Variants in THSD4 observed in about 807,000 individuals in gnomAD.
THSD4 encodes thrombospondin type-1 domain-containing protein 4.
Under a neutral mutation model 119.0 loss-of-function variants are expected in THSD4, and 69 were observed. The observed-to-expected ratio is 0.58, with a 90% CI of 0.48 to 0.71. The LOEUF (loss-of-function observed/expected upper bound fraction) is 0.71, where lower values mean the gene tolerates loss of function less well. Ranked by LOEUF, THSD4 falls within the 30% of genes least tolerant of loss-of-function variation. THSD4 has a pLI of 0.00. For missense variants in THSD4, 1,393 were observed against 1,391.1 expected (o/e 1.00, Z -0.02); for synonymous variants, 524 against 540.4 (o/e 0.97, Z 0.42).
chr15:71,247,024 A>C (rs931365269), intron 5 of THSD4, among the ~76,000 whole-genome samples: 4 of 150,912 alleles, frequency 2.7e-5, no homozygotes, highest in Admixed American at 6.6e-5. Context: ...CACCCTCCCA[A>C]GTAGCTGGGA....
At chr15:71,743,454 C>T (rs1354517535) in intron 11 of THSD4, among the ~76,000 whole-genome samples, 1 of 152,170 alleles carries the variant, frequency 6.6e-6, no homozygotes, top group South Asian at 2.1e-4. Flanking sequence ...AAGCTGTGAA[C>T]CATGTATTCA....
chr15:71,436,548 G>A (rs1275895807), intron 7 of THSD4, among the ~76,000 whole-genome samples: 1 of 152,124 alleles, frequency 6.6e-6, no homozygotes. Context: ...GGGTTCCCTC[G>A]AATCTGGCTT....
rs71154770 is a variant in THSD4, at chr15:71,442,568, CAAA to C, written c.1152+30755_1152+30757del. On this transcript the variant is annotated intron_variant, in intron 7 of 17. Transcript: ENST00000261862. Reference sequence around the variant, plus strand: ...TGGGCAACAGAGCAAAACTCCATCTCAAAAAAAAAAAATATATATATATATATA... The same window carrying C: ...TGGGCAACAGAGCAAAACTCCATCTCAAAAAAAAATATATATATATATATA... Among the ~76,000 whole-genome samples, 8 of 33,458 alleles carry C rather than the reference CAAA, an allele frequency of 2.4e-4. 1 individual carries two copies. The highest frequency in any genetic ancestry group is 9.6e-5 in the African/African-American group (1 of 10,382). 21.9% of individuals were successfully genotyped at this position (33,458 alleles called of 152,430 possible). A position where few individuals can be genotyped will look rare whatever the true frequency, so the allele number is the denominator to read the frequency against.
At chr15:71,604,812 A>C (rs2050077597) in intron 7 of THSD4, among the ~76,000 whole-genome samples, 1 of 122,790 alleles carries the variant, frequency 8.1e-6, no homozygotes, top group African/African-American at 2.9e-5. Flanking sequence ...GCCAAAAGTG[A>C]AAACAAAAAC....
chr15:71,643,384 G>A (rs958566784), intron 7 of THSD4, among the ~76,000 whole-genome samples: 6 of 152,142 alleles, frequency 3.9e-5, no homozygotes, highest in Non-Finnish European at 4.4e-5. Context: ...ACAGGGGCTT[G>A]TTGTACAGAT....
intron 7 of THSD4, among the ~76,000 whole-genome samples, chr15:71,424,383 A>G (rs548009518): frequency 2.6e-5 from 4 of 152,250 alleles, no homozygotes; most frequent in Admixed American, 2.6e-4. Context: ...CCCTTGGTGC[A>G]GGGTGATACT....
chr15:71,339,370 A>C (rs1201395324), intron 6 of THSD4, among the ~76,000 whole-genome samples: 2 of 151,670 alleles, frequency 1.3e-5, no homozygotes, highest in Non-Finnish European at 2.9e-5. Flanking sequence ...ATCTTTGCCG[A>C]CCCTCTCAGA....
intron 6 of THSD4, among the ~76,000 whole-genome samples, chr15:71,305,255 C>T (rs745361570): frequency 6.6e-6 from 1 of 152,160 alleles, no homozygotes; most frequent in Non-Finnish European, 1.5e-5. Flanking sequence ...CAAGACAGTA[C>T]CAGTCCCCAG....
chr15:71,328,675 C>T lies in THSD4; in HGVS notation c.1015+71960C>T, dbSNP rs150209036. ...TGAACCTTGGAAAAAGTCCACTTTC[C>T]ATGGGCTTATTAAATGTGCTGAATC... On this transcript the variant is annotated intron_variant, in intron 6 of 17. Coordinates refer to ENST00000261862, the MANE Select transcript of THSD4 (RefSeq NM_024817.3). 1.9e-3 allele frequency among the ~76,000 whole-genome samples: 282 copies of T among 152,268 alleles called. 1 individual carries two copies. Among genetic ancestry groups the T allele is most frequent in the African/African-American group, 6.6e-3 (274 of 41,554 alleles).
chr15:71,499,512 A>AC (rs1011550763), intron 7 of THSD4, among the ~76,000 whole-genome samples: 1 of 151,534 alleles, frequency 6.6e-6, no homozygotes, highest in African/African-American at 2.4e-5. Context: ...AAAAAAAAAA[A>AC]ACATAAAATT....
At position 71,133,289 on chromosome 15, in the gene THSD4, C is replaced by T. The variant is rs142559705; in HGVS notation, c.-79-8160C>T. 2.5e-3 allele frequency among the ~76,000 whole-genome samples: 378 copies of T among 152,222 alleles called. 4 individuals carry two copies. The highest frequency in any genetic ancestry group is 8.7e-3 in the African/African-American group (363 of 41,536). On this transcript the variant is annotated intron_variant, in intron 1 of 17. Transcript: ENST00000261862. ...GAGAATGTCATGTTAATTTCAGAAA[C>T]AGCAGAAGAATGGAGTGGCTGTTTG...
chr15:71,358,575 T>C (rs2045853442), intron 6 of THSD4, among the ~76,000 whole-genome samples: 1 of 152,228 alleles, frequency 6.6e-6, no homozygotes, highest in Admixed American at 6.5e-5. Context: ...ATCAACAGCA[T>C]GGCCTTGGAC....
chr15:71,140,218 C>T (rs1372062224), intron 1 of THSD4, among the ~76,000 whole-genome samples: 2 of 152,112 alleles, frequency 1.3e-5, no homozygotes, highest in African/African-American at 2.4e-5. Flanking sequence ...TATTTGGCTC[C>T]CAGTTCTGCA....
intron 10 of THSD4, among the ~76,000 whole-genome samples, chr15:71,736,577 T>G (rs2053115367): frequency 6.9e-6 from 1 of 145,368 alleles, no homozygotes; most frequent in South Asian, 2.2e-4. Context: ...CTTACTCTGT[T>G]TCTCTGTCTC....
intron 6 of THSD4, among the ~76,000 whole-genome samples, chr15:71,313,761 G>T (rs900596480): frequency 2.0e-5 from 3 of 152,118 alleles, no homozygotes; most frequent in Admixed American, 1.3e-4. Flanking sequence ...GGACCTCCTA[G>T]CTGTGTCTCG....
chr15:71,217,655 A>G (rs549363231), intron 4 of THSD4, among the ~76,000 whole-genome samples: 1 of 152,158 alleles, frequency 6.6e-6, no homozygotes, highest in Non-Finnish European at 1.5e-5. Context: ...TTGTTGGCCA[A>G]TGAGTTTTGT....
chr15:71,370,277 CT>C (rs1307754444), intron 6 of THSD4, among the ~76,000 whole-genome samples: 2 of 152,052 alleles, frequency 1.3e-5, no homozygotes, highest in African/African-American at 4.8e-5. Context: ...ATGTCTCTAT[CT>C]CCTTCAGTTC....
Position 71,232,027 on chromosome 15 carries a change from C to T in THSD4, c.465-10622C>T, listed in dbSNP as rs148302280. On this transcript the variant is annotated intron_variant, in intron 4 of 17. Coordinates refer to ENST00000261862, the MANE Select transcript of THSD4 (RefSeq NM_024817.3). The stretch of plus-strand genomic sequence containing the variant: ...GGAAAACAGGGCTCTCTTTCCAGCT[C>T]GAGGCTGCACACTCCCTTCCTCCCA... 1.4e-3 allele frequency among the ~76,000 whole-genome samples: 210 copies of T among 152,214 alleles called. 1 individual carries two copies. Among genetic ancestry groups the T allele is most frequent in the African/African-American group, 4.6e-3 (189 of 41,530 alleles).
At chr15:71,388,401 G>C (rs1243716816) in intron 6 of THSD4, among the ~76,000 whole-genome samples, 1 of 152,152 alleles carries the variant, frequency 6.6e-6, no homozygotes, top group Non-Finnish European at 1.5e-5. Context: ...GGCTTTATTG[G>C]TTTTGGGTCA....
Sources: allele counts gnomAD v4.1 joint callset (sites outside exome capture counted in the v4.1 genomes callset), GRCh38; gene constraint gnomAD v4.1.1; transcripts MANE v1.5; gene names NCBI Gene and HGNC (gene_info 2026-07-23, HGNC 2026-07-21).